MINDY4: variants seen among roughly 807,000 people sequenced by gnomAD.
MINDY4 encodes probable ubiquitin carboxyl-terminal hydrolase MINDY-4.
MINDY4 carries 68 observed loss-of-function variants against 87.0 expected under a neutral mutation model. The ratio of observed to expected loss-of-function variants is 0.78; its 90% CI spans 0.64 to 0.96. The LOEUF (loss-of-function observed/expected upper bound fraction) is 0.96. MINDY4 is among the 40% of genes least tolerant of loss of function. MINDY4 has a pLI of 0.00. For synonymous variants in MINDY4, 379 were observed against 363.2 expected (o/e 1.04, Z -0.50); for missense variants, 919 against 928.2 (o/e 0.99, Z 0.13).
chr7:30,772,220 A>G (rs1371141749), intron 1 of MINDY4, among the ~76,000 whole-genome samples: 1 of 152,090 alleles, frequency 6.6e-6, no homozygotes, highest in East Asian at 1.9e-4. Flanking sequence ...GGGGACATAC[A>G]TTAGCTCATT....
chr7:30,851,133 C>A (rs1419046275), intron 10 of MINDY4, among the ~76,000 whole-genome samples: 1 of 152,228 alleles, frequency 6.6e-6, no homozygotes, highest in African/African-American at 2.4e-5. Context: ...GGGTCTTCAG[C>A]CTGATCCGTC....
At chr7:30,787,319 A>G (rs1423854200) in intron 4 of MINDY4, among the ~76,000 whole-genome samples, 1 of 152,254 alleles carries the variant, frequency 6.6e-6, no homozygotes, top group Non-Finnish European at 1.5e-5. Context: ...GGAGAAGGAC[A>G]TTCATAAACT....
intron 5 of MINDY4, among the ~76,000 whole-genome samples, chr7:30,798,934 T>C (rs1280653073): frequency 6.6e-6 from 1 of 152,188 alleles, no homozygotes; most frequent in Non-Finnish European, 1.5e-5. Context: ...CTGTGACATT[T>C]CTCCTCTGGC....
chr7:30,820,539 A>T (rs1341042129), intron 5 of MINDY4, among the ~76,000 whole-genome samples: 1 of 152,166 alleles, frequency 6.6e-6, no homozygotes, highest in East Asian at 1.9e-4. Context: ...CCCAACCCCC[A>T]GTCTCTGGCA....
intron 3 of MINDY4, among the ~76,000 whole-genome samples, chr7:30,784,834 A>G (rs567476613): frequency 6.6e-6 from 1 of 152,238 alleles, no homozygotes; most frequent in East Asian, 1.9e-4. Flanking sequence ...ATCACAGCAC[A>G]CACGACTGCC....
At chr7:30,890,575 G>A (rs542548891) in intron 17 of MINDY4, among the ~76,000 whole-genome samples, 31 of 152,316 alleles carry the variant, frequency 2.0e-4, no homozygotes, top group Non-Finnish European at 7.3e-5. Context: ...AATATGCAAG[G>A]GGAAAATTTA....
At chr7:30,890,102 C>T (rs1400124942) in intron 17 of MINDY4, among the ~76,000 whole-genome samples, 4 of 152,208 alleles carry the variant, frequency 2.6e-5, no homozygotes, top group African/African-American at 7.2e-5. Context: ...CCAAATGACA[C>T]GGAGGAGGAC....
intron 1 of MINDY4, among the ~76,000 whole-genome samples, chr7:30,775,274 TAA>T (rs1786774948): frequency 6.6e-6 from 1 of 152,190 alleles, no homozygotes; most frequent in Non-Finnish European, 1.5e-5. Context: ...CAACTAGCTA[TAA>T]ATTGAGGGTT....
chr7:30,840,578 A>G (rs1389043114), intron 8 of MINDY4, among the ~76,000 whole-genome samples, 182 bp from the exon 9 acceptor site: 2 of 151,800 alleles, frequency 1.3e-5, no homozygotes, highest in Non-Finnish European at 2.9e-5. Context: ...GGGTCTTGTC[A>G]CTCCCTCTCT....
chr7:30,888,967 T>G (rs1790713520), intron 17 of MINDY4, among the ~76,000 whole-genome samples: 1 of 152,138 alleles, frequency 6.6e-6, no homozygotes, highest in Non-Finnish European at 1.5e-5. Context: ...TTCAAGGAAT[T>G]TGTAACTTGG....
chr7:30,781,654 T>C (rs1261570772), intron 2 of MINDY4: 1 of 260,832 alleles, frequency 3.8e-6, no homozygotes, highest in African/African-American at 2.3e-5. Context: ...TATAAAGTTA[T>C]TCCTTGGAGC....
intron 5 of MINDY4, among the ~76,000 whole-genome samples, chr7:30,811,741 G>C (rs1771614388): frequency 2.0e-5 from 3 of 152,184 alleles, no homozygotes; most frequent in Admixed American, 2.0e-4. Flanking sequence ...GTCCTGTTCT[G>C]TTCCGTTCTA....
chr7:30,797,471 A>T, intron 5 of MINDY4, among the ~76,000 whole-genome samples: 1 of 152,182 alleles, frequency 6.6e-6, no homozygotes, highest in Non-Finnish European at 1.5e-5. Context: ...GAGACAGGGA[A>T]CTTGCACTTT....
Position 30,833,268 on chromosome 7 carries a change from G to A in MINDY4, c.1133-3390G>A, listed in dbSNP as rs199503923. Among the ~76,000 whole-genome samples the A allele has an allele frequency of 3.9e-5, 6 of 152,352 alleles. No homozygotes were observed. In the East Asian group the frequency reaches 1.2e-3, roughly 29 times the overall value. Reference sequence around the variant, plus strand: ...AAACAAGTTTAATAGAGAACTCACAGTTCCACGTTGCTGGGGAAGCCTCAC... The same window carrying A: ...AAACAAGTTTAATAGAGAACTCACAATTCCACGTTGCTGGGGAAGCCTCAC... On this transcript the variant is annotated intron_variant, in intron 6 of 17. Transcript: ENST00000265299.
intron 13 of MINDY4, among the ~76,000 whole-genome samples, chr7:30,860,989 G>T (rs1176732169): frequency 6.6e-6 from 1 of 151,766 alleles, no homozygotes; most frequent in Non-Finnish European, 1.5e-5. Flanking sequence ...ATGCACATAC[G>T]TGGCCACACA....
chr7:30,809,855 C>A (rs1787930234), intron 5 of MINDY4, among the ~76,000 whole-genome samples: 1 of 151,700 alleles, frequency 6.6e-6, no homozygotes, highest in Non-Finnish European at 1.5e-5. Context: ...AATTCTTGTC[C>A]TGAAATAAAT....
chr7:30,813,589 G>C (rs1384781841), intron 5 of MINDY4, among the ~76,000 whole-genome samples: 2 of 152,210 alleles, frequency 1.3e-5, no homozygotes, highest in Non-Finnish European at 2.9e-5. Context: ...TGGGACCCAC[G>C]GTTTGCTACC....
chr7:30,812,788 G>A (rs1420799722), intron 5 of MINDY4, among the ~76,000 whole-genome samples: 1 of 152,068 alleles, frequency 6.6e-6, no homozygotes, highest in Non-Finnish European at 1.5e-5. Flanking sequence ...CTAACCAGCT[G>A]GGGCTGGAAT....
In MINDY4 at chr7:30,850,531, G is replaced by A; in HGVS notation, c.1523G>A (p.Gly508Asp). 7 of 1,607,840 alleles carry A rather than the reference G, an allele frequency of 4.4e-6. No homozygotes were observed. Among genetic ancestry groups the A allele is most frequent in the African/African-American group, 1.3e-5 (1 of 74,992 alleles). The change falls in exon 10 of 18, where the codon GGC becomes GAC. Residue 508 changes from glycine to aspartate, a missense_variant. By Grantham distance (94) the Gly-to-Asp change is moderately conservative. Transcript: ENST00000265299. Reference sequence around the variant, plus strand: ...GCAGACATTGTGTGGCGGGCAGGGGGCCGAGAGAGAGCCGTTGTTGCACTG... The same window carrying A: ...GCAGACATTGTGTGGCGGGCAGGGGACCGAGAGAGAGCCGTTGTTGCACTG... ...ALADIVWRAG[G>D]RERAVVALAS...
Sources: allele counts gnomAD v4.1 joint callset (sites outside exome capture counted in the v4.1 genomes callset), GRCh38; gene constraint gnomAD v4.1.1; transcripts MANE v1.5; gene names NCBI Gene and HGNC (gene_info 2026-07-23, HGNC 2026-07-21).